PARN: variants seen among roughly 807,000 people sequenced by gnomAD.
The protein encoded by PARN is poly(A)-specific ribonuclease PARN.
PARN carries 71 observed loss-of-function variants against 102.8 expected under a neutral mutation model. The observed-to-expected ratio is 0.69, with a 90% CI of 0.57 to 0.84. The LOEUF (loss-of-function observed/expected upper bound fraction) is 0.84, where lower values mean the gene tolerates loss of function less well. Among genes scored for constraint, PARN ranks in the 40% least tolerant of loss-of-function variants. The pLI, the probability that PARN is intolerant of heterozygous loss-of-function variation, is 0.00. For missense variants in PARN, 782 were observed against 760.9 expected (o/e 1.03, Z -0.33); for synonymous variants, 261 against 252.9 (o/e 1.03, Z -0.30).
intron 22 of PARN, among the ~76,000 whole-genome samples, chr16:14,479,045 T>C (rs955906217): frequency 2.6e-5 from 4 of 152,200 alleles, no homozygotes; most frequent in Admixed American, 1.3e-4. Context: ...GCTGGGATTA[T>C]AGGCGGGAGC....
intron 22 of PARN, among the ~76,000 whole-genome samples, chr16:14,477,297 T>C (rs575313425): frequency 6.6e-6 from 1 of 151,602 alleles, no homozygotes; most frequent in African/African-American, 2.4e-5. Context: ...AAAATTTAGC[T>C]GAGTGTGATG....
intron 21 of PARN, among the ~76,000 whole-genome samples, chr16:14,505,634 A>C (rs1964855457): frequency 6.6e-6 from 1 of 152,210 alleles, no homozygotes; most frequent in African/African-American, 2.4e-5. Flanking sequence ...TACAATTATA[A>C]GGATTTCAGA....
At chr16:14,530,122 A>G (rs1257528275) in intron 21 of PARN, among the ~76,000 whole-genome samples, 2 of 152,096 alleles carry the variant, frequency 1.3e-5, no homozygotes, top group African/African-American at 4.8e-5. Context: ...CCTCAAGGAG[A>G]GCCAAGCAAG....
At chr16:14,439,993 C>T (rs756347428) in intron 23 of PARN, among the ~76,000 whole-genome samples, 6 of 151,928 alleles carry the variant, frequency 3.9e-5, no homozygotes, top group African/African-American at 7.3e-5. Flanking sequence ...CCAGTCTGGG[C>T]GACAAAGCAA....
At position 14,486,038 on chromosome 16, in the gene PARN, C is replaced by T. The variant is rs190781929; in HGVS notation, c.1481-3211G>A. 1.1e-3 allele frequency among the ~76,000 whole-genome samples: 162 copies of T among 152,302 alleles called. 1 individual carries two copies. The highest frequency in any genetic ancestry group is 3.9e-3 in the African/African-American group (161 of 41,572). ...AGGTTTATTTTGATTTGCAAGCACA[C>T]CCAAAAGGGATGACATCTGCAATAA... On this transcript the variant is annotated intron_variant, in intron 21 of 23. Coordinates refer to ENST00000437198, the MANE Select transcript of PARN (RefSeq NM_002582.4).
chr16:14,593,969 C>A (rs1970355222), intron 12 of PARN, among the ~76,000 whole-genome samples: 1 of 151,812 alleles, frequency 6.6e-6, no homozygotes, highest in Admixed American at 6.6e-5. Context: ...TGCACTCCAG[C>A]CTGGGCAACA....
intron 21 of PARN, among the ~76,000 whole-genome samples, chr16:14,519,937 C>G (rs1324340399): frequency 1.3e-5 from 2 of 151,962 alleles, no homozygotes; most frequent in Admixed American, 6.6e-5. Flanking sequence ...TTAACACAGC[C>G]AATAAATCAC....
In PARN at chr16:14,436,393, C is replaced by T. The variant is rs1031281801; in HGVS notation, c.*324G>A. 1 of 359,732 alleles carries T rather than the reference C, an allele frequency of 2.8e-6. No homozygotes were observed. Among genetic ancestry groups the T allele is most frequent in the Non-Finnish European group, 5.0e-6 (1 of 198,524 alleles). 22.3% of individuals were successfully genotyped at this position (359,732 alleles called of 1,614,324 possible). A position where few individuals can be genotyped will look rare whatever the true frequency, so the allele number is the denominator to read the frequency against. On this transcript the variant is annotated 3_prime_UTR_variant, in exon 24 of 24. Transcript: ENST00000437198. ...TTGCAGATTTCACAGCCGACACTCC[C>T]CATCAGGCAGGTTCTTAAGCACACT...
chr16:14,579,438 T>C (rs1969367378), intron 18 of PARN, among the ~76,000 whole-genome samples: 1 of 152,126 alleles, frequency 6.6e-6, no homozygotes, highest in Non-Finnish European at 1.5e-5. Flanking sequence ...ATTTACAGCG[T>C]GTAAATATTT....
At chr16:14,454,948 T>C (rs1961614149) in intron 22 of PARN, among the ~76,000 whole-genome samples, 1 of 152,216 alleles carries the variant, frequency 6.6e-6, no homozygotes, top group Non-Finnish European at 1.5e-5. Context: ...ATGAATACAC[T>C]GTGAGAAAAG....
chr16:14,534,896 G>A (rs943064779), intron 21 of PARN, among the ~76,000 whole-genome samples: 9 of 149,982 alleles, frequency 6.0e-5, no homozygotes, highest in South Asian at 2.1e-4. Flanking sequence ...GTGCAATGGC[G>A]CCATCTCGGC....
chr16:14,606,335 C>G, intron 10 of PARN, 149 bp downstream of exon 10: 1 of 445,714 alleles, frequency 2.2e-6, no homozygotes, highest in Admixed American at 4.2e-5. Context: ...GAAGTCAAGG[C>G]TGCAGTGAGC....
chr16:14,615,507 T>A (rs1286636644), intron 6 of PARN, among the ~76,000 whole-genome samples: 1 of 152,098 alleles, frequency 6.6e-6, no homozygotes, highest in African/African-American at 2.4e-5. Context: ...GCTGGTTCAG[T>A]CACTATGTGA....
chr16:14,532,905 G>A (rs1390878102), intron 21 of PARN, among the ~76,000 whole-genome samples: 1 of 151,924 alleles, frequency 6.6e-6, no homozygotes, highest in East Asian at 1.9e-4. Context: ...CGGGAGAGGG[G>A]CTCCTCACTT....
At chr16:14,566,738 G>C (rs1968459189) in intron 18 of PARN, among the ~76,000 whole-genome samples, 1 of 152,194 alleles carries the variant, frequency 6.6e-6, no homozygotes, top group East Asian at 1.9e-4. Flanking sequence ...TATTAAGCCA[G>C]AGAGAAATGT....
chr16:14,538,280 A>G (rs1452144594), intron 21 of PARN, among the ~76,000 whole-genome samples: 1 of 144,226 alleles, frequency 6.9e-6, no homozygotes, highest in Non-Finnish European at 1.5e-5. Context: ...GTGCAGGGGC[A>G]TGATCTTGGC....
chr16:14,494,583 G>A (rs1375973201), intron 21 of PARN, among the ~76,000 whole-genome samples: 1 of 152,218 alleles, frequency 6.6e-6, no homozygotes, highest in East Asian at 1.9e-4. Flanking sequence ...ACACAGTCTA[G>A]ACTAAGGATG....
chr16:14,578,566 G>C (rs1031587903), intron 18 of PARN: 1 of 151,534 alleles, frequency 6.6e-6, no homozygotes, highest in Admixed American at 6.6e-5. Flanking sequence ...TGAGACAGGA[G>C]AATCACTTGA....
At position 14,627,326 on chromosome 16, in the gene PARN, T is replaced by G; in HGVS notation, c.188A>C (p.Asp63Ala). The G allele has an allele frequency of 6.3e-7, 1 of 1,587,270 alleles. No individual in the cohort carries two copies. The highest frequency in any genetic ancestry group is 8.6e-7 in the Non-Finnish European group (1 of 1,165,642). The change falls in exon 4 of 24, where the codon GAC becomes GCC. Residue 63 changes from aspartate to alanine, a missense_variant. Physicochemically the swap from Asp to Ala is moderately radical, Grantham distance 126. Coordinates refer to ENST00000437198, the MANE Select transcript of PARN (RefSeq NM_002582.4). The stretch of plus-strand genomic sequence containing the variant: ...AAGGCCAAACTGAAATAGCAAAAAG[T>G]CCATGGAATGCTGGAAAAGGGAAAT... ...RYQKLKKHSM[D>A]FLLFQFGLCT...
Sources: allele counts gnomAD v4.1 joint callset (sites outside exome capture counted in the v4.1 genomes callset), GRCh38; gene constraint gnomAD v4.1.1; transcripts MANE v1.5; gene names NCBI Gene and HGNC (gene_info 2026-07-23, HGNC 2026-07-21).